The following DDX11 variants were observed in gnomAD, a reference collection of about 807,000 sequenced individuals.
DDX11 encodes the protein ATP-dependent DNA helicase DDX11.
DDX11 carries 72 observed loss-of-function variants against 125.2 expected under a neutral mutation model. The observed-to-expected ratio is 0.58, with a 90% CI of 0.48 to 0.70. The LOEUF (loss-of-function observed/expected upper bound fraction) is 0.70, where lower values mean the gene tolerates loss of function less well. Among genes scored for constraint, DDX11 ranks in the 30% least tolerant of loss-of-function variants. The pLI is 0.00. For missense variants in DDX11, 883 were observed against 1,165.0 expected (o/e 0.76, Z 3.52); for synonymous variants, 347 against 452.6 (o/e 0.77, Z 2.96).
chr12:31,094,342 G>C (rs1944832936), intron 12 of DDX11: 1 of 517,724 alleles, frequency 1.9e-6, no homozygotes, highest in African/African-American at 1.9e-5. Flanking sequence ...TGGAGAAGGG[G>C]TGAAAAACAT....
At chr12:31,092,368 T>C (rs1944399684) in intron 10 of DDX11, among the ~76,000 whole-genome samples, 1 of 152,106 alleles carries the variant, frequency 6.6e-6, no homozygotes, top group Non-Finnish European at 1.5e-5. Context: ...GATTCAAAGA[T>C]GGTCAAGCTC....
intron 18 of DDX11, among the ~76,000 whole-genome samples, chr12:31,100,171 A>G (rs1212183655): frequency 6.6e-6 from 1 of 152,052 alleles, no homozygotes; most frequent in African/African-American, 2.4e-5. Context: ...AAGTATAAAT[A>G]TGTTTAATTT....
At chr12:31,086,576 C>T (rs372533150) in intron 5 of DDX11, among the ~76,000 whole-genome samples, 5 of 152,272 alleles carry the variant, frequency 3.3e-5, no homozygotes, top group Non-Finnish European at 4.4e-5. Context: ...TGCCCGCCTC[C>T]GAGGTCATGT....
chr12:31,091,785 C>T lies in DDX11; in HGVS notation c.1156C>T (p.Gln386Ter). 6.2e-7 allele frequency: 1 copy of T among 1,613,836 alleles called. No individual in the cohort carries two copies. The highest frequency in any genetic ancestry group is 8.5e-7 in the Non-Finnish European group (1 of 1,179,852). The change falls in exon 10 of 27, where the codon CAG (glutamine) becomes TAG (stop). Residue 386 changes from glutamine to a stop codon, truncating the protein, a stop_gained. Transcript: ENST00000542838. LOFTEE classifies it high-confidence loss of function. ...ATRQAAGIRL[Q>*]DQVVIIDEAH... ...TCGGCAGGCCGCGGGCATCCGGCTG[C>T]AGGACCAGGTGGTGATCATCGACGA...
In DDX11 at chr12:31,103,967, A is replaced by G. The variant is rs1190391927; in HGVS notation, c.*131A>G. ...AACCCAGGAGGAGAGTGTGGAGTCC[A>G]GAGTGCTGCCAGGACCCAGGCACAG... On this transcript the variant is annotated 3_prime_UTR_variant, in exon 27 of 27. Transcript: ENST00000542838. 6.3e-7 allele frequency: 1 copy of G among 1,589,632 alleles called. No individual in the cohort carries two copies. Among genetic ancestry groups the G allele is most frequent in the East Asian group, 2.3e-5 (1 of 42,950 alleles).
intron 1 of DDX11, among the ~76,000 whole-genome samples, chr12:31,076,709 G>A (rs939783234): frequency 2.6e-5 from 4 of 152,146 alleles, no homozygotes; most frequent in African/African-American, 7.2e-5. Context: ...AATTTGTTAG[G>A]TACCTTTCTT....
intron 2 of DDX11, among the ~76,000 whole-genome samples, chr12:31,083,312 T>TTAA (rs1555209754): frequency 0.074 from 9,586 of 128,708 alleles, 416 homozygotes; most frequent in Middle Eastern, 0.1. Context: ...TTAGTTTGCT[T>TTAA]AAAAAAAAAA....
chr12:31,104,000 C>G lies in DDX11; in HGVS notation c.*164C>G. The G allele has an allele frequency of 6.4e-7, 1 of 1,559,654 alleles. No homozygotes were observed. The highest frequency in any genetic ancestry group is 8.7e-7 in the Non-Finnish European group (1 of 1,152,160). On this transcript the variant is annotated 3_prime_UTR_variant, in exon 27 of 27. Transcript: ENST00000542838. ...GCCAGGACCCAGGCACAGGCGTTAG[C>G]TCCCGTAGGAGAAAATGGGGGAATC...
chr12:31,103,325 C>G lies in DDX11; in HGVS notation c.2466C>G (p.Ala822=), dbSNP rs142205480. The part of the protein sequence containing the change: ...MAYLDQTLPR[A]PGQAPPGKAL... ...TTCCCCTTCACTCCCAGCCCAGAGC[C>G]CCCGGCCAGGCACCCCCAGGGAAGG... The change falls in exon 25 of 27, where the codon GCC becomes GCG. Residue 822 remains alanine, a synonymous_variant. Coordinates refer to ENST00000542838, the MANE Select transcript of DDX11 (RefSeq NM_030653.4). 225 of 1,610,930 alleles carry G rather than the reference C, an allele frequency of 1.4e-4. No individual in the cohort carries two copies. The highest frequency in any genetic ancestry group is 4.0e-5 in the African/African-American group (3 of 74,810).
At chr12:31,084,881 G>A (rs531622171) in intron 4 of DDX11, 88 bp from the exon 5 acceptor site, 37 of 1,501,542 alleles carry the variant, frequency 2.5e-5, no homozygotes, top group African/African-American at 1.7e-4. Context: ...TGAATGGGGC[G>A]TGGTGTGCTT....
chr12:31,089,919 AGAG>A lies in DDX11; in HGVS notation c.922_924del (p.Arg308del), dbSNP rs1162409219. On this transcript the variant is annotated inframe_deletion, in exon 9 of 27. Transcript: ENST00000542838. ...AAAGGAGCTGAGGAGGAGAAGCCAA[AGAG>A]GAGGAGGCAGGAGAAGCAGGCAGCC... is the stretch of plus-strand genomic sequence containing the variant. 3.7e-6 allele frequency: 6 copies of A among 1,605,952 alleles called. No individual in the cohort carries two copies. Among genetic ancestry groups the A allele is most frequent in the Admixed American group, 1.7e-5 (1 of 59,170 alleles).
intron 2 of DDX11, 151 bp downstream of exon 2, chr12:31,078,688 T>TC: frequency 8.6e-7 from 1 of 1,162,006 alleles, no homozygotes; most frequent in Non-Finnish European, 1.2e-6. Flanking sequence ...TCTATTAAAG[T>TC]CTTTTTTTTT....
chr12:31,090,752 C>T (rs571880013), intron 9 of DDX11, among the ~76,000 whole-genome samples: 20 of 152,138 alleles, frequency 1.3e-4, no homozygotes, highest in African/African-American at 3.6e-4. Flanking sequence ...CTGTATAATC[C>T]AGAAAAAAAT....
chr12:31,084,527 G>C, intron 3 of DDX11, 56 bp from the exon 4 acceptor site: 1 of 1,484,970 alleles, frequency 6.7e-7, no homozygotes, highest in Non-Finnish European at 9.2e-7. Context: ...GACTCCTTAG[G>C]AGAGGCCTGG....
At chr12:31,103,546 G>T (rs1339184780) in intron 25 of DDX11, 31 bp from the exon 26 acceptor site, 2 of 1,613,598 alleles carry the variant, frequency 1.2e-6, no homozygotes, top group Admixed American at 3.3e-5. Context: ...GGCAGGTGTT[G>T]CTCGGAGCCC....
At position 31,103,591 on chromosome 12, in the gene DDX11, C is replaced by G. The variant is rs752033754; in HGVS notation, c.2551C>G (p.His851Asp). The G allele has an allele frequency of 1.2e-6, 2 of 1,613,898 alleles. No individual in the cohort carries two copies. Among genetic ancestry groups the G allele is most frequent in the Non-Finnish European group, 1.7e-6 (2 of 1,179,914 alleles). The change falls in exon 26 of 27, where the codon CAC becomes GAC. Residue 851 changes from histidine (H) to aspartate (D), a missense_variant. By Grantham distance (81) the His-to-Asp change is moderately conservative. Around this residue, in one of 5 missense-constraint regions of DDX11, gnomAD observed 285 missense variants for 346.0 expected, o/e 0.82. Transcript: ENST00000542838. ...VNQSIGRAIR[H>D]QKDFASVVLL... ...TTCCTATGCAGGCAGGGCCATCAGG[C>G]ACCAGAAGGATTTTGCCAGCGTAGT...
rs1262688370 is a variant in DDX11 at position 31,091,057 on chromosome 12, C to G, written c.1090-662C>G. 4 of 152,302 alleles carry G rather than the reference C, an allele frequency of 2.6e-5. No individual in the cohort carries two copies. In the East Asian group the frequency reaches 7.7e-4, roughly 29 times the overall value. 9.4% of individuals were successfully genotyped at this position (152,302 alleles called of 1,614,324 possible). A position where few individuals can be genotyped will look rare whatever the true frequency, so the allele number is the denominator to read the frequency against. On this transcript the variant is annotated intron_variant, in intron 9 of 26. Transcript: ENST00000542838. ...AATAGTATTCCAGTGAAATTCTGTG[C>G]ATGGGGACACTGGAGCCCAGAAAAG...
chr12:31,083,324 AAC>A lies in DDX11; in HGVS notation c.145-487_145-486del, dbSNP rs1264894100. Among the ~76,000 whole-genome samples the A allele has an allele frequency of 1.4e-4, 21 of 144,958 alleles. No homozygotes were observed. In the East Asian group the frequency reaches 2.3e-3, roughly 16 times the overall value. ...TGATTAGTTTGCTTAAAAAAAAAAAAACAAAACAAAACACAAACCGTAAGCAC... is the reference window on the plus strand; with the variant it reads ...TGATTAGTTTGCTTAAAAAAAAAAAAAAAACAAAACACAAACCGTAAGCAC... On this transcript the variant is annotated intron_variant, in intron 2 of 26. Transcript: ENST00000542838.
intron 20 of DDX11, 30 bp downstream of exon 20, chr12:31,101,160 G>T: frequency 6.3e-7 from 1 of 1,599,574 alleles, no homozygotes; most frequent in Non-Finnish European, 8.6e-7. Flanking sequence ...CCGCACCACA[G>T]CCTGGCCTCA....
Sources: allele counts gnomAD v4.1 joint callset (sites outside exome capture counted in the v4.1 genomes callset), GRCh38; gene constraint gnomAD v4.1.1; regional missense constraint gnomAD v4.1.1; transcripts MANE v1.5; gene names NCBI Gene and HGNC (gene_info 2026-07-23, HGNC 2026-07-21).